EHBP1: variants seen among roughly 807,000 people sequenced by gnomAD.
EHBP1 encodes EH domain binding protein 1.
A neutral mutation model predicts 144.0 loss-of-function variants in EHBP1; 55 were observed. That is an observed-to-expected ratio of 0.38 (90% CI 0.31 to 0.48). The LOEUF (loss-of-function observed/expected upper bound fraction) is 0.48. Ranked by LOEUF, EHBP1 falls within the 20% of genes least tolerant of loss-of-function variation. The pLI, the probability that EHBP1 is intolerant of heterozygous loss-of-function variation, is 0.98. For missense variants in EHBP1, 1,200 were observed against 1,364.2 expected (o/e 0.88, Z 1.90); for synonymous variants, 469 against 472.7 (o/e 0.99, Z 0.10).
chr2:62,890,024 C>T (rs938917642), intron 10 of EHBP1, among the ~76,000 whole-genome samples: 1 of 147,246 alleles, frequency 6.8e-6, no homozygotes, highest in Non-Finnish European at 1.5e-5. Context: ...TGCAGTGGCA[C>T]AGTTTTGGCT....
intron 10 of EHBP1, among the ~76,000 whole-genome samples, chr2:62,891,839 A>G (rs1197111738): frequency 6.6e-6 from 1 of 152,174 alleles, no homozygotes; most frequent in African/African-American, 2.4e-5. Context: ...CATTCAGCAG[A>G]GTGCTGCAGA....
chr2:62,974,508 G>A (rs146531120), intron 14 of EHBP1, among the ~76,000 whole-genome samples: 151 of 152,190 alleles, frequency 9.9e-4, no homozygotes, highest in African/African-American at 3.4e-3. Flanking sequence ...CTATGCATAT[G>A]TTTTCTTAAC....
intron 19 of EHBP1, among the ~76,000 whole-genome samples, chr2:63,006,641 TTTCA>T (rs2060048451): frequency 6.6e-6 from 1 of 151,912 alleles, no homozygotes; most frequent in Admixed American, 6.6e-5. Context: ...AATTTTCCAT[TTTCA>T]TTCAGAGTGG....
At chr2:62,871,740 T>A (rs1214322997) in intron 9 of EHBP1, among the ~76,000 whole-genome samples, 2 of 152,198 alleles carry the variant, frequency 1.3e-5, no homozygotes, top group Non-Finnish European at 2.9e-5. Flanking sequence ...TCCTTTGATG[T>A]GTGGAACTAC....
At chr2:62,986,994 A>G (rs1025441853) in intron 15 of EHBP1, among the ~76,000 whole-genome samples, 1 of 152,154 alleles carries the variant, frequency 6.6e-6, no homozygotes, top group Non-Finnish European at 1.5e-5. Flanking sequence ...TTGAAAAAAA[A>G]TGAGTTGCAG....
chr2:62,796,701 T>C (rs17432483), intron 5 of EHBP1, among the ~76,000 whole-genome samples: 5,958 of 152,278 alleles, frequency 0.039, 194 homozygotes, highest in Non-Finnish European at 0.06. Context: ...AACACTTCCA[T>C]GTATTTAATG....
intron 10 of EHBP1, among the ~76,000 whole-genome samples, chr2:62,929,929 G>A (rs1224359655): frequency 4.6e-5 from 7 of 152,028 alleles, no homozygotes; most frequent in Admixed American, 1.3e-4. Context: ...AATCCACGAA[G>A]GAAATTAAGA....
chr2:62,874,227 C>A, intron 9 of EHBP1, 119 bp from the exon 10 acceptor site: 1 of 647,762 alleles, frequency 1.5e-6, no homozygotes, highest in East Asian at 2.9e-5. Flanking sequence ...TCCAGGTTAT[C>A]ACTGGTTTGG....
chr2:62,828,587 C>G (rs1209692538), intron 6 of EHBP1, among the ~76,000 whole-genome samples: 2 of 151,892 alleles, frequency 1.3e-5, no homozygotes, highest in African/African-American at 4.8e-5. Context: ...CGGTTATGGC[C>G]CTGTTGGAAA....
intron 10 of EHBP1, among the ~76,000 whole-genome samples, chr2:62,914,554 T>A (rs1458068507): frequency 6.6e-6 from 1 of 152,086 alleles, no homozygotes; most frequent in Non-Finnish European, 1.5e-5. Context: ...AGGAAATTCC[T>A]TGGACAAACC....
chr2:63,029,832 G>T (rs918995105), intron 19 of EHBP1, among the ~76,000 whole-genome samples: 1 of 152,090 alleles, frequency 6.6e-6, no homozygotes, highest in Non-Finnish European at 1.5e-5. Flanking sequence ...AGATTCAAGC[G>T]ATTCTTCTGC....
At chr2:62,793,674 T>C (rs554266835) in intron 5 of EHBP1, among the ~76,000 whole-genome samples, 1 of 152,238 alleles carries the variant, frequency 6.6e-6, no homozygotes, top group African/African-American at 2.4e-5. Context: ...TTAAAAAGAA[T>C]AAGTCTAAAT....
At chr2:62,888,746 T>C (rs2052157258) in intron 10 of EHBP1, among the ~76,000 whole-genome samples, 1 of 152,154 alleles carries the variant, frequency 6.6e-6, no homozygotes, top group South Asian at 2.1e-4. Context: ...TGATGATAAA[T>C]GTGAAGGAAG....
intron 15 of EHBP1, 102 bp downstream of exon 15, chr2:62,979,437 T>C: frequency 7.8e-7 from 1 of 1,275,292 alleles, no homozygotes; most frequent in Non-Finnish European, 1.1e-6. Flanking sequence ...TTCAAAAATA[T>C]AAAGCTTCTA....
intron 2 of EHBP1, among the ~76,000 whole-genome samples, chr2:62,714,290 C>T (rs111735194): frequency 6.6e-6 from 1 of 152,138 alleles, no homozygotes; most frequent in Non-Finnish European, 1.5e-5. Context: ...TTACTTGCAG[C>T]TAGTGTTTAG....
chr2:62,678,684 A>C (rs752389237), intron 1 of EHBP1, among the ~76,000 whole-genome samples: 2 of 152,146 alleles, frequency 1.3e-5, no homozygotes, highest in Non-Finnish European at 1.5e-5. Flanking sequence ...AAATTTCTCA[A>C]CATCATTAAT....
At chr2:62,674,237 G>A in intron 1 of EHBP1, 1 of 428,950 alleles carries the variant, frequency 2.3e-6, no homozygotes, top group South Asian at 1.8e-5. Flanking sequence ...AATAACTGCT[G>A]AGTTGTTAAT....
chr2:62,897,568 C>T (rs987417920), intron 10 of EHBP1, among the ~76,000 whole-genome samples: 1 of 152,084 alleles, frequency 6.6e-6, no homozygotes, highest in Non-Finnish European at 1.5e-5. Flanking sequence ...AATACTGTCT[C>T]TTTAGTTATG....
At chr2:62,725,801 G>T (rs185830805) in intron 2 of EHBP1, among the ~76,000 whole-genome samples, 1 of 152,154 alleles carries the variant, frequency 6.6e-6, no homozygotes, top group African/African-American at 2.4e-5. Context: ...CGATGTGGGG[G>T]GTTGTCATGA....
Sources: allele counts gnomAD v4.1 joint callset (sites outside exome capture counted in the v4.1 genomes callset), GRCh38; gene constraint gnomAD v4.1.1; transcripts MANE v1.5; gene names NCBI Gene and HGNC (gene_info 2026-07-23, HGNC 2026-07-21).